CA10: variants seen among roughly 807,000 people sequenced by gnomAD.
CA10 encodes the protein carbonic anhydrase 10 (inactive), also known as carbonic anhydrase-related protein 10.
A neutral mutation model predicts 44.2 loss-of-function variants in CA10; 14 were observed. The ratio of observed to expected loss-of-function variants is 0.32; its 90% confidence interval spans 0.21 to 0.50. CA10 has a LOEUF of 0.50. Among genes scored for constraint, CA10 ranks in the 20% least tolerant of loss-of-function variants. The pLI, the probability that CA10 is intolerant of heterozygous loss-of-function variation, is 0.99. For synonymous variants in CA10, 159 were observed against 141.6 expected, an observed-to-expected ratio of 1.12 and a Z score of -0.87; for missense variants, 350 against 409.7, an observed-to-expected ratio of 0.85 and a Z score of 1.26.
At chr17:51,723,086 C>T (rs779711328) in intron 4 of CA10, among the ~76,000 whole-genome samples, 2 of 152,166 alleles carry the variant, frequency 1.3e-5, no homozygotes, top group Non-Finnish European at 2.9e-5. Flanking sequence ...ACCAACAACA[C>T]TCAGCTTTAT....
At chr17:52,130,043 A>T (rs1989199698) in intron 1 of CA10, among the ~76,000 whole-genome samples, 1 of 152,232 alleles carries the variant, frequency 6.6e-6, no homozygotes, top group Non-Finnish European at 1.5e-5. Context: ...AGGTATAAGA[A>T]AAAATGCTCA....
rs142656002 is a variant in CA10, at chr17:51,703,853, C to T, written c.465+43780G>A. ...AATAAGGAGTCAGTGCATGACCTAA[C>T]CGGTCCCGGGCTGCTTGCCATTCCA... On this transcript the variant is annotated intron_variant, in intron 4 of 8. Coordinates refer to ENST00000451037, the MANE Select transcript of CA10 (RefSeq NM_020178.5). 2.7e-3 allele frequency among the ~76,000 whole-genome samples: 407 copies of T among 152,322 alleles called. 1 individual carries two copies. The highest frequency in any genetic ancestry group is 0.014 in the Middle Eastern group (4 of 294).
chr17:52,006,518 T>A (rs1162193671), intron 2 of CA10, among the ~76,000 whole-genome samples: 1 of 151,694 alleles, frequency 6.6e-6, no homozygotes, highest in African/African-American at 2.4e-5. Flanking sequence ...TTTAAGCATT[T>A]TTTTCCCTCT....
chr17:51,863,035 T>C (rs1449966772), intron 3 of CA10, among the ~76,000 whole-genome samples: 1 of 152,176 alleles, frequency 6.6e-6, no homozygotes, highest in Admixed American at 6.6e-5. Flanking sequence ...GTGTGGCAAC[T>C]TACTAGTTGG....
chr17:51,856,987 G>C (rs1175369624), intron 3 of CA10, among the ~76,000 whole-genome samples: 1 of 152,190 alleles, frequency 6.6e-6, no homozygotes, highest in South Asian at 2.1e-4. Context: ...GTGTACATGT[G>C]TTACAGGAGA....
intron 2 of CA10, among the ~76,000 whole-genome samples, chr17:52,054,138 AT>A (rs1424537503): frequency 6.6e-6 from 1 of 152,166 alleles, no homozygotes; most frequent in African/African-American, 2.4e-5. Context: ...ACAGAGTCAT[AT>A]TTCTCTTCTT....
chr17:51,880,109 C>G (rs1032358335), intron 3 of CA10, among the ~76,000 whole-genome samples: 1 of 152,124 alleles, frequency 6.6e-6, no homozygotes, highest in Non-Finnish European at 1.5e-5. Flanking sequence ...TCTAATCACC[C>G]CAGAGCCTGC....
chr17:51,941,939 TCA>T (rs1983092698), intron 2 of CA10, among the ~76,000 whole-genome samples: 1 of 152,062 alleles, frequency 6.6e-6, no homozygotes, highest in Admixed American at 6.6e-5. Flanking sequence ...CCTTTAACAC[TCA>T]CTCTCTCTGT....
At chr17:52,082,679 T>C (rs1988014439) in intron 1 of CA10, among the ~76,000 whole-genome samples, 1 of 152,200 alleles carries the variant, frequency 6.6e-6, no homozygotes, top group South Asian at 2.1e-4. Flanking sequence ...GCCACAAAAG[T>C]ATAAATTATT....
intron 4 of CA10, among the ~76,000 whole-genome samples, chr17:51,685,035 G>GTAGGA (rs1914961845): frequency 6.6e-6 from 1 of 152,182 alleles, no homozygotes; most frequent in Non-Finnish European, 1.5e-5. Flanking sequence ...AAGGCAAATT[G>GTAGGA]TAGGATGTTA....
intron 2 of CA10, among the ~76,000 whole-genome samples, chr17:51,947,317 A>G (rs1333532578): frequency 6.6e-6 from 1 of 151,802 alleles, no homozygotes; most frequent in East Asian, 1.9e-4. Flanking sequence ...GGAGCAGCCC[A>G]AATGGCTACA....
chr17:51,636,126 A>T (rs1293550987), intron 6 of CA10, 117 bp from the exon 7 acceptor site: 1 of 523,416 alleles, frequency 1.9e-6, no homozygotes, highest in African/African-American at 2.0e-5. Context: ...ATACACACAC[A>T]GATATATATG....
At position 51,974,614 on chromosome 17, in the gene CA10, A is replaced by G. The variant is rs969097462; in HGVS notation, c.137-43482T>C. ...ATAATTGAAATGCTAGAAGGAGAAG[A>G]GAGAGAAAAATTTGGCAAAAATATT... On this transcript the variant is annotated intron_variant, in intron 2 of 8. Transcript: ENST00000451037. Among the ~76,000 whole-genome samples, 3 of 152,156 alleles carry G rather than the reference A, an allele frequency of 2.0e-5. No homozygotes were observed. In the East Asian group the frequency reaches 5.8e-4, roughly 29 times the overall value.
intron 1 of CA10, among the ~76,000 whole-genome samples, chr17:52,151,183 T>C (rs1989694987): frequency 6.6e-6 from 1 of 152,168 alleles, no homozygotes; most frequent in Non-Finnish European, 1.5e-5. Context: ...AGGTCTAATC[T>C]TATTGTGGTT....
At chr17:52,123,479 G>A (rs1989056690) in intron 1 of CA10, among the ~76,000 whole-genome samples, 1 of 151,808 alleles carries the variant, frequency 6.6e-6, no homozygotes, top group South Asian at 2.1e-4. Flanking sequence ...GACCTCCTAT[G>A]TAGGAACCAT....
At chr17:51,636,863 T>C (rs1352561957) in intron 6 of CA10, among the ~76,000 whole-genome samples, 1 of 151,366 alleles carries the variant, frequency 6.6e-6, no homozygotes, top group Non-Finnish European at 1.5e-5. Context: ...TTACACCAAT[T>C]TGAGGTATTC....
At chr17:51,639,011 A>T (rs1912959493) in intron 6 of CA10, among the ~76,000 whole-genome samples, 1 of 152,146 alleles carries the variant, frequency 6.6e-6, no homozygotes, top group Non-Finnish European at 1.5e-5. Context: ...TGGTGGGGTC[A>T]GCACAGACCA....
chr17:52,118,767 A>G (rs1988951550), intron 1 of CA10, among the ~76,000 whole-genome samples: 1 of 152,214 alleles, frequency 6.6e-6, no homozygotes, highest in Admixed American at 6.5e-5. Context: ...TAAACCACAG[A>G]GATAACCAAA....
intron 3 of CA10, among the ~76,000 whole-genome samples, chr17:51,874,183 A>G (rs1160834771): frequency 6.6e-6 from 1 of 152,164 alleles, no homozygotes; most frequent in Admixed American, 6.5e-5. Context: ...TTTTGTACAT[A>G]TAAATACTTG....
Sources: gnomAD v4.1 joint callset for allele counts (sites outside exome capture counted in the v4.1 genomes callset) on GRCh38, gnomAD v4.1.1 for gene constraint, MANE v1.5 for transcripts, NCBI Gene and HGNC (gene_info 2026-07-23, HGNC 2026-07-21) for gene names.